The following TMCC1 variants were observed in gnomAD, a reference collection of about 807,000 sequenced individuals.
TMCC1 encodes transmembrane and coiled-coil domains protein 1.
In TMCC1, 15 loss-of-function variants were observed where a neutral mutation model predicts 52.4. The ratio of observed to expected loss-of-function variants is 0.29; its 90% CI spans 0.19 to 0.44. The LOEUF is 0.44. TMCC1 is among the 20% of genes least tolerant of loss of function. The pLI is 1.00. For synonymous variants in TMCC1, 279 were observed against 301.9 expected, an observed-to-expected ratio of 0.92 and a Z score of 0.79; for missense variants, 503 against 806.0, an observed-to-expected ratio of 0.62 and a Z score of 4.55.
At chr3:129,797,012 TC>T (rs2056874067) in intron 4 of TMCC1, among the ~76,000 whole-genome samples, 1 of 152,046 alleles carries the variant, frequency 6.6e-6, no homozygotes, top group Non-Finnish European at 1.5e-5. Flanking sequence ...CCAAATAGGA[TC>T]TAAAATTTTA....
rs867907925 is a variant in TMCC1, at chr3:129,689,474, T to A, written c.577-18210A>T. Among the ~76,000 whole-genome samples the A allele has an allele frequency of 1.6e-4, 25 of 152,334 alleles. No homozygotes were observed. The East Asian group carries it at 2.1e-3, about 13-fold the overall frequency. On this transcript the variant is annotated intron_variant, in intron 4 of 6. Coordinates refer to ENST00000393238, the MANE Select transcript of TMCC1 (RefSeq NM_001017395.5). The stretch of plus-strand genomic sequence containing the variant: ...ATGTATAAAGTATATCTACTAATAT[T>A]TCTCTGAGGTTAACATGCAGAAAGG...
chr3:129,763,469 C>T (rs2053806235), intron 4 of TMCC1, among the ~76,000 whole-genome samples: 1 of 144,974 alleles, frequency 6.9e-6, no homozygotes, highest in Non-Finnish European at 1.5e-5. Flanking sequence ...TCGCCTGAAC[C>T]CAGGAGGTGG....
chr3:129,830,534 A>G lies in TMCC1; in HGVS notation c.-130-2026T>C, dbSNP rs1166177326. Among the ~76,000 whole-genome samples, 5 of 152,222 alleles carry G rather than the reference A, an allele frequency of 3.3e-5. No homozygotes were observed. The East Asian group carries it at 9.6e-4, about 29-fold the overall frequency. On this transcript the variant is annotated intron_variant, in intron 3 of 6. Coordinates refer to ENST00000393238, the MANE Select transcript of TMCC1 (RefSeq NM_001017395.5). ...TGTGTATCAACTCATCTCTTCTTGCACTGGGCTATTTAGATCCTGAGAAGA... is the reference window on the plus strand; with the variant it reads ...TGTGTATCAACTCATCTCTTCTTGCGCTGGGCTATTTAGATCCTGAGAAGA...
At chr3:129,672,072 T>C (rs962262339) in intron 4 of TMCC1, among the ~76,000 whole-genome samples, 1 of 152,206 alleles carries the variant, frequency 6.6e-6, no homozygotes, top group Non-Finnish European at 1.5e-5. Flanking sequence ...GGCAAGGGAC[T>C]CCAAAGCACG....
At chr3:129,855,321 C>T (rs2060104408) in intron 2 of TMCC1, among the ~76,000 whole-genome samples, 2 of 151,932 alleles carry the variant, frequency 1.3e-5, no homozygotes, top group Admixed American at 1.3e-4. Flanking sequence ...TTCTTAATAC[C>T]TCGTTTTCTT....
chr3:129,839,080 A>T (rs2059305150), intron 2 of TMCC1, among the ~76,000 whole-genome samples: 1 of 152,204 alleles, frequency 6.6e-6, no homozygotes, highest in African/African-American at 2.4e-5. Context: ...ATATTAACAG[A>T]AGTCCTTCAG....
chr3:129,886,270 G>C (rs2061696003), intron 1 of TMCC1, among the ~76,000 whole-genome samples: 1 of 152,156 alleles, frequency 6.6e-6, no homozygotes. Flanking sequence ...AGAAAATTAT[G>C]TGATTTCAGT....
chr3:129,791,620 A>G (rs1176987156), intron 4 of TMCC1, among the ~76,000 whole-genome samples: 1 of 152,188 alleles, frequency 6.6e-6, no homozygotes, highest in Non-Finnish European at 1.5e-5. Flanking sequence ...CTCACGCAGG[A>G]GACATGGGGC....
At chr3:129,722,517 T>C (rs2049704635) in intron 4 of TMCC1, among the ~76,000 whole-genome samples, 1 of 152,168 alleles carries the variant, frequency 6.6e-6, no homozygotes, top group South Asian at 2.1e-4. Flanking sequence ...ACTAACTATA[T>C]TGTTTTGATC....
At position 129,741,194 on chromosome 3, in the gene TMCC1, A is replaced by G. The variant is rs139104242; in HGVS notation, c.577-69930T>C. On this transcript the variant is annotated intron_variant, in intron 4 of 6. Coordinates refer to ENST00000393238, the MANE Select transcript of TMCC1 (RefSeq NM_001017395.5). ...TGTTGACTATGACAGTATAACTTTC[A>G]TAATTACTGAAAACTGGTTTCTTCA... Among the ~76,000 whole-genome samples, 8 of 152,328 alleles carry G rather than the reference A, an allele frequency of 5.3e-5. No individual in the cohort carries two copies. In the East Asian group the frequency reaches 1.3e-3, roughly 26 times the overall value.
chr3:129,783,947 C>A (rs1480708248), intron 4 of TMCC1, among the ~76,000 whole-genome samples: 3 of 152,180 alleles, frequency 2.0e-5, no homozygotes, highest in Non-Finnish European at 2.9e-5. Flanking sequence ...GCAGAGACTA[C>A]AATATTTGCA....
chr3:129,747,343 T>C (rs1379441105), intron 4 of TMCC1, among the ~76,000 whole-genome samples: 1 of 152,230 alleles, frequency 6.6e-6, no homozygotes, highest in Non-Finnish European at 1.5e-5. Context: ...TATGGTTCTT[T>C]TCAAAGCTCA....
At chr3:129,656,671 A>G (rs1425935618) in intron 5 of TMCC1, 1 of 152,174 alleles carries the variant, frequency 6.6e-6, no homozygotes, top group Non-Finnish European at 1.5e-5. Context: ...TTACGATGTT[A>G]CTAAACTCTA....
chr3:129,754,978 T>C (rs1398366226), intron 4 of TMCC1, among the ~76,000 whole-genome samples: 1 of 151,970 alleles, frequency 6.6e-6, no homozygotes, highest in Non-Finnish European at 1.5e-5. Context: ...CTCGGGAGGC[T>C]GAGGCAGGAG....
At chr3:129,666,325 C>T (rs1003698009) in intron 5 of TMCC1, among the ~76,000 whole-genome samples, 1 of 152,198 alleles carries the variant, frequency 6.6e-6, no homozygotes, top group Non-Finnish European at 1.5e-5. Context: ...GAGAGTATCA[C>T]TCTAAGCTGA....
intron 4 of TMCC1, among the ~76,000 whole-genome samples, chr3:129,808,302 G>A (rs2057583815): frequency 6.6e-6 from 1 of 152,062 alleles, no homozygotes; most frequent in South Asian, 2.1e-4. Context: ...GGCCAACATG[G>A]TGAAACCTCG....
intron 4 of TMCC1, among the ~76,000 whole-genome samples, chr3:129,788,963 A>T (rs1471827863): frequency 6.6e-6 from 1 of 152,226 alleles, no homozygotes; most frequent in Non-Finnish European, 1.5e-5. Context: ...TTAATGATTA[A>T]CAAGAAGATA....
At chr3:129,815,215 A>T (rs767434892) in intron 4 of TMCC1, among the ~76,000 whole-genome samples, 87 of 152,156 alleles carry the variant, frequency 5.7e-4, no homozygotes, top group Non-Finnish European at 9.0e-4. Context: ...CAATGGAATA[A>T]AGCTAGAAAT....
intron 4 of TMCC1, among the ~76,000 whole-genome samples, chr3:129,768,719 T>C (rs1301944694): frequency 1.3e-5 from 2 of 152,236 alleles, no homozygotes; most frequent in African/African-American, 4.8e-5. Context: ...GTATATGTAT[T>C]CTTATATTTA....
Sources: allele counts gnomAD v4.1 joint callset (sites outside exome capture counted in the v4.1 genomes callset), GRCh38; gene constraint gnomAD v4.1.1; transcripts MANE v1.5; gene names NCBI Gene and HGNC (gene_info 2026-07-23, HGNC 2026-07-21).